FBXW7: variants seen among roughly 807,000 people sequenced by gnomAD.
FBXW7 encodes the protein F-box/WD repeat-containing protein 7.
In FBXW7, 11 loss-of-function variants were observed where a neutral mutation model predicts 86.3. The ratio of observed to expected loss-of-function variants is 0.13; its 90% confidence interval spans 0.08 to 0.21. The LOEUF (loss-of-function observed/expected upper bound fraction) is 0.21, where lower values mean the gene tolerates loss of function less well. Ranked by LOEUF, FBXW7 falls within the 10% of genes least tolerant of loss-of-function variation. The pLI, the probability that FBXW7 is intolerant of heterozygous loss-of-function variation, is 1.00. For synonymous variants in FBXW7, 313 were observed against 297.9 expected (o/e 1.05, Z -0.52); for missense variants, 488 against 847.4 (o/e 0.58, Z 5.27).
At chr4:152,363,757 G>A (rs1406264472) in intron 4 of FBXW7, among the ~76,000 whole-genome samples, 2 of 151,978 alleles carry the variant, frequency 1.3e-5, no homozygotes, top group East Asian at 1.9e-4. Flanking sequence ...TCAATGAAAC[G>A]GTTTAACAAC....
At chr4:152,383,401 C>T (rs1254580726) in intron 4 of FBXW7, among the ~76,000 whole-genome samples, 1 of 152,112 alleles carries the variant, frequency 6.6e-6, no homozygotes, top group East Asian at 1.9e-4. Context: ...TTCAAAGTGG[C>T]CCCAAACTAA....
At chr4:152,339,072 C>T (rs750834516) in intron 6 of FBXW7, among the ~76,000 whole-genome samples, 41 of 152,222 alleles carry the variant, frequency 2.7e-4, no homozygotes, top group South Asian at 8.3e-4. Flanking sequence ...CTACAATGAA[C>T]TTCTTCTCTT....
intron 2 of FBXW7, among the ~76,000 whole-genome samples, chr4:152,520,985 A>C (rs1242271375): frequency 6.6e-6 from 1 of 152,212 alleles, no homozygotes; most frequent in Non-Finnish European, 1.5e-5. Context: ...TTGGAAACAA[A>C]GGTGACAAGA....
In FBXW7 at chr4:152,333,824, T is replaced by C. The variant is rs144087729; in HGVS notation, c.862-1105A>G. On this transcript the variant is annotated intron_variant, in intron 7 of 13. Transcript: ENST00000281708. ...ATACCAGCACTTTGGGAGGCCGAGG[T>C]GGGTGGATCACTTGAGGCCAGGAGT... Among the ~76,000 whole-genome samples the C allele has an allele frequency of 3.0e-3, 460 of 152,014 alleles. 9 individuals are homozygous for C. In the East Asian group the frequency reaches 0.069, roughly 23 times the overall value.
intron 2 of FBXW7, among the ~76,000 whole-genome samples, chr4:152,506,615 A>C (rs1248908031): frequency 1.3e-5 from 2 of 152,252 alleles, no homozygotes; most frequent in African/African-American, 4.8e-5. Flanking sequence ...AATATCTCTA[A>C]GAGTTAGGTA....
At chr4:152,408,319 C>T (rs1007609201) in intron 4 of FBXW7, among the ~76,000 whole-genome samples, 1 of 152,108 alleles carries the variant, frequency 6.6e-6, no homozygotes, top group Admixed American at 6.6e-5. Flanking sequence ...TCAATATGAG[C>T]TGGGCATATC....
chr4:152,451,851 AT>A (rs1305713044), intron 2 of FBXW7: 6 of 152,074 alleles, frequency 3.9e-5, no homozygotes, highest in African/African-American at 1.4e-4. Context: ...TTTAAAAATT[AT>A]TGTTTCATTT....
Position 152,351,299 on chromosome 4 carries a change from G to A in FBXW7, c.502-1175C>T, listed in dbSNP as rs200988290. ...ATAAAGACCATGTTTTTGTCATCAC[G>A]AAGAGTTTTCTAAAATACTAGGATG... is the stretch of plus-strand genomic sequence containing the variant. On this transcript the variant is annotated intron_variant, in intron 4 of 13. Coordinates refer to ENST00000281708, the MANE Select transcript of FBXW7 (RefSeq NM_001349798.2). Among the ~76,000 whole-genome samples, 5 of 152,110 alleles carry A rather than the reference G, an allele frequency of 3.3e-5. No individual in the cohort carries two copies. In the East Asian group the frequency reaches 5.8e-4, roughly 18 times the overall value.
chr4:152,511,939 C>T (rs570991321), intron 2 of FBXW7, among the ~76,000 whole-genome samples: 3 of 152,108 alleles, frequency 2.0e-5, no homozygotes, highest in African/African-American at 7.2e-5. Context: ...GACTGACTAT[C>T]TGGATTAAAA....
intron 2 of FBXW7, among the ~76,000 whole-genome samples, chr4:152,450,692 T>C (rs1361189107): frequency 1.3e-5 from 2 of 152,220 alleles, no homozygotes; most frequent in Non-Finnish European, 2.9e-5. Context: ...TCCATAACAA[T>C]TTGATATTTG....
chr4:152,502,020 GGT>G lies in FBXW7; in HGVS notation c.-120+32919_-120+32920del, dbSNP rs1196320274. On this transcript the variant is annotated intron_variant, in intron 2 of 13. Coordinates refer to ENST00000281708, the MANE Select transcript of FBXW7 (RefSeq NM_001349798.2). The stretch of plus-strand genomic sequence containing the variant: ...GGGTGCTTGATTCAGAAGTCCCCTT[GGT>G]ACTGTTCCTATGACATCAGCCTGAT... Among the ~76,000 whole-genome samples the G allele has an allele frequency of 2.6e-5, 4 of 152,164 alleles. No individual in the cohort carries two copies. In the East Asian group the frequency reaches 7.7e-4, roughly 29 times the overall value.
At chr4:152,533,189 CAA>C (rs562488751) in intron 2 of FBXW7, among the ~76,000 whole-genome samples, 8 of 112,116 alleles carry the variant, frequency 7.1e-5, no homozygotes, top group Admixed American at 9.3e-5. Flanking sequence ...GACTCTGTCT[CAA>C]AAAAAAAAAA....
At position 152,535,369 on chromosome 4, in the gene FBXW7, TG is replaced by T. The variant is rs1750436093; in HGVS notation, c.-456del. ...GCCAAGGAGCCGGGGGGCCGGCGAC[TG>T]GCCAAGGGAGAAGACCCCCGGAGGG... On this transcript the variant is annotated 5_prime_UTR_variant, in exon 1 of 14. The change abolishes the stop of an existing upstream ORF in the 5' untranslated region. Transcript: ENST00000281708. The T allele has an allele frequency of 2.7e-6, 1 of 372,236 alleles. No homozygotes were observed. The highest frequency in any genetic ancestry group is 4.8e-6 in the Non-Finnish European group (1 of 209,696). The allele number at this position is 372,236 out of a possible 1,614,324, so 23.1% of individuals were successfully genotyped here. A position where few individuals can be genotyped will look rare whatever the true frequency, so the allele number is the denominator to read the frequency against.
chr4:152,389,859 T>C (rs924883497), intron 4 of FBXW7, among the ~76,000 whole-genome samples: 61 of 152,194 alleles, frequency 4.0e-4, no homozygotes, highest in African/African-American at 1.3e-3. Context: ...TAGTGAACAA[T>C]ATAGCTAGTT....
chr4:152,391,030 T>A (rs541473475), intron 4 of FBXW7, among the ~76,000 whole-genome samples: 52 of 152,130 alleles, frequency 3.4e-4, no homozygotes, highest in African/African-American at 1.2e-3. Flanking sequence ...GAGGGGGACA[T>A]TATTTCCTAT....
At chr4:152,514,957 A>G (rs934558926) in intron 2 of FBXW7, among the ~76,000 whole-genome samples, 2 of 152,212 alleles carry the variant, frequency 1.3e-5, no homozygotes, top group Admixed American at 6.5e-5. Context: ...GTCAAGTCAA[A>G]AATACCTCTG....
intron 4 of FBXW7, among the ~76,000 whole-genome samples, chr4:152,376,923 A>C (rs1734585723): frequency 6.6e-6 from 1 of 151,964 alleles, no homozygotes; most frequent in South Asian, 2.1e-4. Flanking sequence ...CTGTGAGATA[A>C]CTCTATAACT....
At chr4:152,462,973 T>C (rs1437896176) in intron 2 of FBXW7, among the ~76,000 whole-genome samples, 1 of 151,176 alleles carries the variant, frequency 6.6e-6, no homozygotes, top group Admixed American at 6.6e-5. Flanking sequence ...TCTTGTCTGG[T>C]ATATTACTTG....
intron 2 of FBXW7, among the ~76,000 whole-genome samples, chr4:152,465,435 G>A (rs1420923043): frequency 6.6e-6 from 1 of 152,050 alleles, no homozygotes; most frequent in African/African-American, 2.4e-5. Context: ...TTTCCTTACT[G>A]TCATCACAAT....
Sources: gnomAD v4.1 joint callset for allele counts (sites outside exome capture counted in the v4.1 genomes callset) on GRCh38, gnomAD v4.1.1 for gene constraint, MANE v1.5 for transcripts, NCBI Gene and HGNC (gene_info 2026-07-23, HGNC 2026-07-21) for gene names.